Variants in ARID1B observed in about 807,000 individuals in gnomAD.
ARID1B encodes AT-rich interaction domain 1B, also known as AT-rich interactive domain-containing protein 1B.
Under a neutral mutation model 212.3 loss-of-function variants are expected in ARID1B, and 30 were observed. The observed-to-expected ratio is 0.14, with a 90% CI of 0.11 to 0.19. The LOEUF (loss-of-function observed/expected upper bound fraction) is 0.19. Among genes scored for constraint, ARID1B ranks in the 10% least tolerant of loss-of-function variants. ARID1B has a pLI of 1.00. For synonymous variants in ARID1B, 1,402 were observed against 1,301.7 expected (o/e 1.08, Z -1.66); for missense variants, 2,891 against 3,204.0 (o/e 0.90, Z 2.36).
chr6:156,959,610 CTAT>C (rs893498245), intron 4 of ARID1B, among the ~76,000 whole-genome samples: 2 of 151,964 alleles, frequency 1.3e-5, no homozygotes, highest in Non-Finnish European at 2.9e-5. Context: ...TTGTAGTGTT[CTAT>C]TATTAAAATA....
chr6:157,035,703 A>C (rs1355347584), intron 4 of ARID1B, among the ~76,000 whole-genome samples: 2 of 152,226 alleles, frequency 1.3e-5, no homozygotes, highest in African/African-American at 4.8e-5. Flanking sequence ...GAGGCTGCTC[A>C]TCTCCATCCC....
chr6:157,158,056 A>C (rs1002613667), intron 8 of ARID1B, among the ~76,000 whole-genome samples: 1 of 152,226 alleles, frequency 6.6e-6, no homozygotes, highest in African/African-American at 2.4e-5. Context: ...AAAAATGCAC[A>C]GACAGAAACC....
chr6:157,027,291 T>C (rs1413868183), intron 4 of ARID1B, among the ~76,000 whole-genome samples: 3 of 152,236 alleles, frequency 2.0e-5, no homozygotes, highest in Non-Finnish European at 4.4e-5. Flanking sequence ...TAATCTTACA[T>C]TCTTTCTTTT....
intron 7 of ARID1B, chr6:157,140,650 C>T: frequency 2.5e-6 from 1 of 398,560 alleles, no homozygotes; most frequent in Non-Finnish European, 4.4e-6. Flanking sequence ...CGTAGCTTTC[C>T]AGAGGTCACC....
intron 2 of ARID1B, among the ~76,000 whole-genome samples, chr6:156,833,240 A>G (rs1322203571): frequency 1.3e-5 from 2 of 152,204 alleles, no homozygotes; most frequent in African/African-American, 4.8e-5. Flanking sequence ...CAAACCTTAA[A>G]GACACCAAGA....
At chr6:157,085,816 C>T (rs1784928842) in intron 5 of ARID1B, among the ~76,000 whole-genome samples, 1 of 152,108 alleles carries the variant, frequency 6.6e-6, no homozygotes, top group African/African-American at 2.4e-5. Flanking sequence ...AATAAACATT[C>T]ATGAATTCAC....
intron 8 of ARID1B, among the ~76,000 whole-genome samples, chr6:157,160,982 T>G (rs1237706741): frequency 6.6e-6 from 1 of 152,248 alleles, no homozygotes. Flanking sequence ...CCTGGTTGTT[T>G]GACTTTGGTT....
intron 4 of ARID1B, among the ~76,000 whole-genome samples, chr6:156,972,097 A>T (rs956459541): frequency 9.9e-5 from 15 of 152,194 alleles, no homozygotes; most frequent in African/African-American, 3.1e-4. Flanking sequence ...TAAACTTTTT[A>T]AAAATGGTAT....
intron 19 of ARID1B, chr6:157,205,704 T>A (rs1436243098): frequency 6.4e-6 from 1 of 157,330 alleles, no homozygotes; most frequent in African/African-American, 2.4e-5. Flanking sequence ...ATCCTAAGAA[T>A]AACAACCATA....
At chr6:157,205,872 G>A (rs1203368036) in intron 19 of ARID1B, 2 of 340,118 alleles carry the variant, frequency 5.9e-6, no homozygotes, top group African/African-American at 4.2e-5. Context: ...CACTCCCTCA[G>A]TGATAAGATT....
At chr6:157,178,540 AC>A (rs1481241836) in intron 11 of ARID1B, among the ~76,000 whole-genome samples, 6 of 152,340 alleles carry the variant, frequency 3.9e-5, no homozygotes, top group African/African-American at 1.4e-4. Flanking sequence ...CGAATTTATC[AC>A]GTAAACTGAG....
At chr6:156,913,217 C>CTTTTTTTTTTTTT (rs372967890) in intron 3 of ARID1B, among the ~76,000 whole-genome samples, 1 of 129,036 alleles carries the variant, frequency 7.7e-6, no homozygotes, top group Non-Finnish European at 1.6e-5. Context: ...TTTTCTTTTT[C>CTTTTTTTTTTTTT]TTTTTTTTTT....
intron 4 of ARID1B, chr6:156,937,026 G>A (rs1037824436): frequency 6.6e-6 from 1 of 151,892 alleles, no homozygotes; most frequent in Non-Finnish European, 1.5e-5. Context: ...TTACTTTTAT[G>A]TGAGAGAGGG....
Position 157,069,845 on chromosome 6 carries a change from T to C in ARID1B, c.2248-14817T>C, listed in dbSNP as rs553846446. On this transcript the variant is annotated intron_variant, in intron 4 of 19. Transcript: ENST00000636930. ...ACATAACAGTACTTAACAGTTCAGC[T>C]TCTAGGACTGACTAGGTAACTACAT... is the stretch of plus-strand genomic sequence containing the variant. Among the ~76,000 whole-genome samples the C allele has an allele frequency of 3.3e-5, 5 of 152,302 alleles. No individual in the cohort carries two copies. In the South Asian group the frequency reaches 1.0e-3, roughly 32 times the overall value.
Position 157,201,542 on chromosome 6 carries a change from T to A in ARID1B, c.5263+54T>A. On this transcript the variant is annotated intron_variant, in intron 18 of 19. Transcript: ENST00000636930. This position sits in a 1 kb window ranked among gnomAD's most constrained non-coding sequence, Gnocchi z 5.2. ...ATGAATTCCAGTTGCAGTGTAGAATTTTAATTTTAGTAAAGATGCTGTTCC... is the reference window on the plus strand; with the variant it reads ...ATGAATTCCAGTTGCAGTGTAGAATATTAATTTTAGTAAAGATGCTGTTCC... The A allele has an allele frequency of 6.8e-7, 1 of 1,475,444 alleles. No individual in the cohort carries two copies. Among genetic ancestry groups the A allele is most frequent in the Non-Finnish European group, 9.0e-7 (1 of 1,112,068 alleles). 91.4% of individuals were successfully genotyped at this position (1,475,444 alleles called of 1,614,324 possible). A position where few individuals can be genotyped will look rare whatever the true frequency, so the allele number is the denominator to read the frequency against.
chr6:156,875,467 T>A (rs1786471508), intron 2 of ARID1B, among the ~76,000 whole-genome samples: 1 of 152,260 alleles, frequency 6.6e-6, no homozygotes, highest in Non-Finnish European at 1.5e-5. Context: ...AAAAGCCAGG[T>A]GAGGTGAGAA....
At chr6:157,072,907 A>T (rs1431644985) in intron 4 of ARID1B, among the ~76,000 whole-genome samples, 1 of 152,208 alleles carries the variant, frequency 6.6e-6, no homozygotes, top group Non-Finnish European at 1.5e-5. Flanking sequence ...AGGCTTTACA[A>T]CCTGGGCTGG....
At chr6:157,146,724 A>G (rs1257079318) in intron 7 of ARID1B, among the ~76,000 whole-genome samples, 2 of 152,170 alleles carry the variant, frequency 1.3e-5, no homozygotes, top group Admixed American at 6.5e-5. Context: ...GCTTTACGTC[A>G]CCTGTGCCTA....
chr6:156,899,918 G>A (rs1162323972), intron 2 of ARID1B, among the ~76,000 whole-genome samples: 1 of 152,216 alleles, frequency 6.6e-6, no homozygotes, highest in Admixed American at 6.5e-5. Context: ...AAAGATGCTT[G>A]TGTGAAATAT....
Sources: gnomAD v4.1 joint callset for allele counts (sites outside exome capture counted in the v4.1 genomes callset) on GRCh38, gnomAD v4.1.1 for gene constraint, Gnocchi (gnomAD v3.1) non-coding constraint, MANE v1.5 for transcripts, NCBI Gene and HGNC (gene_info 2026-07-23, HGNC 2026-07-21) for gene names.